APPL2: variants seen among roughly 807,000 people sequenced by gnomAD.
APPL2 encodes DCC-interacting protein 13-beta.
Under a neutral mutation model 92.7 loss-of-function variants are expected in APPL2, and 84 were observed. That is an observed-to-expected ratio of 0.91 (90% CI 0.76 to 1.09). The LOEUF (loss-of-function observed/expected upper bound fraction) is 1.09, where lower values mean the gene tolerates loss of function less well. Among genes scored for constraint, APPL2 ranks in the 50% least tolerant of loss-of-function variants. APPL2 has a pLI of 0.00. For synonymous variants in APPL2, 291 were observed against 291.0 expected, an observed-to-expected ratio of 1.00 and a Z score of 0.00; for missense variants, 736 against 824.5, an observed-to-expected ratio of 0.89 and a Z score of 1.31.
intron 4 of APPL2, among the ~76,000 whole-genome samples, chr12:105,214,211 A>C (rs1162271459): frequency 6.6e-6 from 1 of 152,130 alleles, no homozygotes; most frequent in Non-Finnish European, 1.5e-5. Flanking sequence ...TAAAAACCAT[A>C]CTTCCATCCT....
rs1457150234 is a variant in APPL2, at chr12:105,177,244, A to T, written c.1653T>A (p.Thr551=). 1.9e-6 allele frequency: 3 copies of T among 1,613,978 alleles called. No homozygotes were observed. Among genetic ancestry groups the T allele is most frequent in the Non-Finnish European group, 2.5e-6 (3 of 1,179,820 alleles). ...SQSLRLIDPQ[T]QVSRANFELT... ...TACTTACATTGGCCCTTGATACTTG[A>T]GTCTGTGGATCTATCAACCTGAAAT... The change falls in exon 18 of 21, where the codon ACT becomes ACA. Residue 551 remains threonine, a synonymous_variant. Transcript: ENST00000258530.
chr12:105,229,498 G>T, intron 1 of APPL2: 7 of 995,690 alleles, frequency 7.0e-6, no homozygotes, highest in Non-Finnish European at 6.3e-6. Flanking sequence ...TGACTGAAGG[G>T]CTATTATCTG....
At chr12:105,184,974 G>C (rs1309037926) in intron 17 of APPL2, among the ~76,000 whole-genome samples, 1 of 152,208 alleles carries the variant, frequency 6.6e-6, no homozygotes. Context: ...GGAATCTAGA[G>C]AGGCAGTCTG....
chr12:105,174,331 C>T lies in APPL2; in HGVS notation c.1978G>A (p.Ala660Thr), dbSNP rs367929771. The T allele has an allele frequency of 7.4e-6, 12 of 1,613,690 alleles. No homozygotes were observed. In the African/African-American group the frequency reaches 1.2e-4, roughly 16 times the overall value. Residue 660 changes from alanine (A) to threonine (T), a missense_variant, in exon 21 of 21, where the codon GCA (alanine) becomes ACA (threonine). Transcript: ENST00000258530. Reference protein sequence around the residue: ...DDGNPNEHRGAESEA With the variant: ...DDGNPNEHRGTESEA ...CAAGTGAGTTATGCTTCGGATTCTG[C>T]GCCTCTATGTTCGTTTGGATTTCCA...
intron 5 of APPL2, among the ~76,000 whole-genome samples, chr12:105,209,315 G>A (rs1017982974): frequency 6.6e-6 from 1 of 152,050 alleles, no homozygotes. Context: ...TCAAAGTGAG[G>A]TCCTGATGGC....
chr12:105,228,913 T>C (rs1027957425), intron 2 of APPL2, among the ~76,000 whole-genome samples: 3 of 152,256 alleles, frequency 2.0e-5, no homozygotes, highest in Non-Finnish European at 4.4e-5. Context: ...CCATCTCTAA[T>C]GGTTCTAATT....
Position 105,236,155 on chromosome 12 carries a change from G to A in APPL2, c.-143C>T, listed in dbSNP as rs1002320985. 1.1e-5 allele frequency: 4 copies of A among 362,418 alleles called. No individual in the cohort carries two copies. Among genetic ancestry groups the A allele is most frequent in the Admixed American group, 5.9e-5 (1 of 16,886 alleles). 22.5% of individuals were successfully genotyped at this position (362,418 alleles called of 1,614,324 possible). The stretch of plus-strand genomic sequence containing the variant: ...GCGGCCCCGCGCGCGTCCACGCCTG[G>A]CCAGTGGCCGCCGCCGCCTGCCCGC... On this transcript the variant is annotated 5_prime_UTR_variant, in exon 1 of 21. Coordinates refer to ENST00000258530, the MANE Select transcript of APPL2 (RefSeq NM_018171.5).
Position 105,180,462 on chromosome 12 carries a change from C to CT in APPL2, c.1635-3201dup, listed in dbSNP as rs796466220. Among the ~76,000 whole-genome samples, 9 of 152,176 alleles carry CT rather than the reference C, an allele frequency of 5.9e-5. No individual in the cohort carries two copies. In the South Asian group the frequency reaches 1.0e-3, roughly 18 times the overall value. ...TAGGATTATCTGGGCTATGCGGGCT[C>CT]TTTTTTGGTTCCATATGAAATTTAA... On this transcript the variant is annotated intron_variant, in intron 17 of 20. Coordinates refer to ENST00000258530, the MANE Select transcript of APPL2 (RefSeq NM_018171.5).
intron 16 of APPL2, among the ~76,000 whole-genome samples, chr12:105,189,104 C>T (rs1202844208): frequency 2.0e-5 from 3 of 152,188 alleles, no homozygotes; most frequent in South Asian, 4.1e-4. Flanking sequence ...CTGCAACCTC[C>T]GCCTCCCAGG....
At chr12:105,232,135 T>C (rs1008660828) in intron 1 of APPL2, among the ~76,000 whole-genome samples, 1 of 152,236 alleles carries the variant, frequency 6.6e-6, no homozygotes, top group Non-Finnish European at 1.5e-5. Flanking sequence ...CTCAACTAAA[T>C]AGCTATTTTT....
At chr12:105,189,245 G>A (rs951950639) in intron 16 of APPL2, among the ~76,000 whole-genome samples, 1 of 152,084 alleles carries the variant, frequency 6.6e-6, no homozygotes, top group Non-Finnish European at 1.5e-5. Flanking sequence ...TGCCCATGCT[G>A]GTCTTGAACT....
At chr12:105,222,319 G>A (rs1379243429) in intron 2 of APPL2, among the ~76,000 whole-genome samples, 2 of 152,164 alleles carry the variant, frequency 1.3e-5, no homozygotes, top group Non-Finnish European at 2.9e-5. Flanking sequence ...ACACTGAAGT[G>A]GGAGAGAGAA....
intron 1 of APPL2, chr12:105,229,609 G>C (rs1390878396): frequency 6.0e-6 from 6 of 1,003,172 alleles, no homozygotes; most frequent in Non-Finnish European, 7.1e-6. Context: ...ATAAACACAG[G>C]TCAGGCCTAT....
intron 8 of APPL2, among the ~76,000 whole-genome samples, chr12:105,205,749 C>T (rs573585263): frequency 1.3e-5 from 2 of 152,192 alleles, no homozygotes; most frequent in Non-Finnish European, 2.9e-5. Flanking sequence ...AAGAGAGCCC[C>T]GGCATTCTCT....
chr12:105,217,078 C>T lies in APPL2; in HGVS notation c.276G>A (p.Val92=). 1 of 1,607,870 alleles carries T rather than the reference C, an allele frequency of 6.2e-7. No homozygotes were observed. The highest frequency in any genetic ancestry group is 8.5e-7 in the Non-Finnish European group (1 of 1,175,462). Residue 92 remains valine, a synonymous_variant, in exon 4 of 21, where the codon GTG becomes GTA. Coordinates refer to ENST00000258530, the MANE Select transcript of APPL2 (RefSeq NM_018171.5). ...TATGTTGCTATCTTACCTCATCCAC[C>T]ACTTTGGAAAAATAGTGGAGTGTTG... The part of the protein sequence containing the change: ...VISTLHYFSK[V]VDELNLLHTE...
At chr12:105,209,952 G>A (rs1889071914) in intron 5 of APPL2, among the ~76,000 whole-genome samples, 1 of 151,928 alleles carries the variant, frequency 6.6e-6, no homozygotes, top group African/African-American at 2.4e-5. Flanking sequence ...AAGCAAGGGA[G>A]GAAAATCTTC....
In APPL2 at chr12:105,184,073, T is replaced by A. The variant is rs531186524; in HGVS notation, c.1634+4200A>T. Among the ~76,000 whole-genome samples, 205 of 152,362 alleles carry A rather than the reference T, an allele frequency of 1.3e-3. 2 individuals carry two copies. Among genetic ancestry groups the A allele is most frequent in the African/African-American group, 4.8e-3 (200 of 41,588 alleles). On this transcript the variant is annotated intron_variant, in intron 17 of 20. Coordinates refer to ENST00000258530, the MANE Select transcript of APPL2 (RefSeq NM_018171.5). ...TTGACTATTGATACTTGTGTATGCT[T>A]CACGAAGTTCTCGTGCTGTGTTTTT...
chr12:105,235,803 C>A (rs550447880), intron 1 of APPL2, among the ~76,000 whole-genome samples, 156 bp downstream of exon 1: 1 of 152,192 alleles, frequency 6.6e-6, no homozygotes, highest in East Asian at 1.9e-4. Context: ...GGCCCGCCCC[C>A]TCCTCAGCCC....
intron 14 of APPL2, 70 bp from the exon 15 acceptor site, chr12:105,190,225 G>A: frequency 6.7e-7 from 1 of 1,494,176 alleles, no homozygotes; most frequent in African/African-American, 1.4e-5. Context: ...GTTGAAGGCT[G>A]AGGTGACTTT....
Sources: gnomAD v4.1 joint callset for allele counts (sites outside exome capture counted in the v4.1 genomes callset) on GRCh38, gnomAD v4.1.1 for gene constraint, MANE v1.5 for transcripts, NCBI Gene and HGNC (gene_info 2026-07-23, HGNC 2026-07-21) for gene names.